Variants in ANXA8 observed in about 807,000 individuals in gnomAD.
The protein encoded by ANXA8 is annexin A8.
A neutral mutation model predicts 26.8 loss-of-function variants in ANXA8; 9 were observed. The ratio of observed to expected loss-of-function variants is 0.34; its 90% CI spans 0.20 to 0.59. The LOEUF (loss-of-function observed/expected upper bound fraction) is 0.59. Among genes scored for constraint, ANXA8 ranks in the 20% least tolerant of loss-of-function variants. ANXA8 has a pLI of 0.84. For synonymous variants in ANXA8, 39 were observed against 94.8 expected, an observed-to-expected ratio of 0.41 and a Z score of 3.42; for missense variants, 83 against 238.5, an observed-to-expected ratio of 0.35 and a Z score of 4.29.
At chr10:47,709,340 T>C in the ANXA8 span, among the ~76,000 whole-genome samples, 1 of 150,220 alleles carries the variant, frequency 6.7e-6, no homozygotes, top group Non-Finnish European at 1.5e-5. Flanking sequence ...AAAAAGTACT[T>C]AAGTGTTTAT....
the ANXA8 span, among the ~76,000 whole-genome samples, chr10:47,978,970 T>C: frequency 3.0e-4 from 45 of 150,594 alleles, no homozygotes; most frequent in African/African-American, 1.1e-3. Context: ...AGTAATAGGA[T>C]GGAAAAAGAT....
At chr10:47,572,301 C>T in the ANXA8 span, among the ~76,000 whole-genome samples, 1 of 145,964 alleles carries the variant, frequency 6.9e-6, no homozygotes. Flanking sequence ...TTCTCATCCC[C>T]TTATATCTCT....
chr10:47,495,939 G>T, the ANXA8 span, among the ~76,000 whole-genome samples: 18 of 151,590 alleles, frequency 1.2e-4, no homozygotes, highest in African/African-American at 3.7e-4. Flanking sequence ...GGAGCAGGTG[G>T]TGCCCGGGGA....
chr10:47,743,251 T>TATATATATACATATATATATATATACAC, the ANXA8 span, among the ~76,000 whole-genome samples: 36 of 121,272 alleles, frequency 3.0e-4, no homozygotes, highest in African/African-American at 1.1e-3. Flanking sequence ...GCTTCATATA[T>TATATATATACATATATATATATATACAC]ATATATATAT....
At chr10:47,683,263 T>C in the ANXA8 span, among the ~76,000 whole-genome samples, 13 of 148,206 alleles carry the variant, frequency 8.8e-5, no homozygotes, top group South Asian at 2.2e-4. Context: ...GAGTCTCGCT[T>C]TGTTGCCCAG....
the ANXA8 span, among the ~76,000 whole-genome samples, chr10:47,974,877 T>C: frequency 2.0e-5 from 3 of 149,666 alleles, no homozygotes; most frequent in Admixed American, 1.3e-4. Context: ...TCTGTGGTTG[T>C]TGGGTGGAGT....
At chr10:47,511,296 CA>C in the ANXA8 span, among the ~76,000 whole-genome samples, 1 of 142,514 alleles carries the variant, frequency 7.0e-6, no homozygotes, top group Non-Finnish European at 1.5e-5. Context: ...AATCCTGCTA[CA>C]AGAGCACTTT....
At chr10:47,691,725 C>G in the ANXA8 span, among the ~76,000 whole-genome samples, 2 of 149,664 alleles carry the variant, frequency 1.3e-5, no homozygotes, top group Admixed American at 1.3e-4. Context: ...GGCCACTGCA[C>G]TCTAGCCCAA....
chr10:47,687,943 A>C, the ANXA8 span, among the ~76,000 whole-genome samples: 6 of 151,726 alleles, frequency 4.0e-5, no homozygotes, highest in Non-Finnish European at 7.4e-5. Context: ...CTACTAAAAA[A>C]ACTAAAATTA....
the ANXA8 span, among the ~76,000 whole-genome samples, chr10:47,702,333 CTTTTCTTTTCTTTTTT>C: frequency 6.7e-6 from 1 of 149,030 alleles, no homozygotes; most frequent in Non-Finnish European, 1.5e-5. Flanking sequence ...TAAACATTTT[CTTTTCTTTTCTTTTTT>C]TTTTTTTTTG....
chr10:47,567,305 G>T, the ANXA8 span, among the ~76,000 whole-genome samples: 1 of 133,512 alleles, frequency 7.5e-6, no homozygotes, highest in African/African-American at 3.0e-5. Context: ...CCCAAACACA[G>T]GTGGCTTTTG....
At chr10:47,657,638 A>AT in the ANXA8 span, among the ~76,000 whole-genome samples, 1 of 150,458 alleles carries the variant, frequency 6.6e-6, no homozygotes, top group East Asian at 1.9e-4. Context: ...TTAATTACCC[A>AT]TTTTTTTCTG....
the ANXA8 span, among the ~76,000 whole-genome samples, chr10:47,497,353 C>T: frequency 1.6e-5 from 2 of 127,102 alleles, no homozygotes; most frequent in African/African-American, 6.1e-5. Context: ...CAATGGCTCA[C>T]ACCTGTAATC....
the ANXA8 span, among the ~76,000 whole-genome samples, chr10:47,557,094 T>C: frequency 7.6e-6 from 1 of 131,716 alleles, no homozygotes; most frequent in African/African-American, 2.9e-5. Flanking sequence ...GCAACCTCTG[T>C]CTCCTGGGTT....
chr10:47,968,784 G>A, the ANXA8 span, among the ~76,000 whole-genome samples: 9 of 150,170 alleles, frequency 6.0e-5, no homozygotes, highest in Non-Finnish European at 1.3e-4. Context: ...CACTGACTCG[G>A]TCAGTCATGA....
upstream of ANXA8, among the ~76,000 whole-genome samples, chr10:47,487,774 GTT>G (rs4013026): frequency 7.4e-6 from 1 of 134,746 alleles, no homozygotes. Context: ...GGTTTATAGT[GTT>G]TTTTTTTTTG....
At chr10:47,958,581 C>T in the ANXA8 span, among the ~76,000 whole-genome samples, 1 of 148,402 alleles carries the variant, frequency 6.7e-6, no homozygotes, top group African/African-American at 2.6e-5. Flanking sequence ...GATGGCTTCG[C>T]CTCCTCCTCT....
the ANXA8 span, among the ~76,000 whole-genome samples, chr10:47,639,126 G>GTTTTT: frequency 6.9e-6 from 1 of 144,666 alleles, no homozygotes; most frequent in Admixed American, 6.7e-5. Flanking sequence ...TTTTGTTTTT[G>GTTTTT]TTTTTTTTCT....
the ANXA8 span, among the ~76,000 whole-genome samples, chr10:47,952,151 A>G: frequency 6.6e-6 from 1 of 151,156 alleles, no homozygotes; most frequent in African/African-American, 2.4e-5. Flanking sequence ...GTCATGAAAA[A>G]CCTACAGGTA....
Sources: gnomAD v4.1 joint callset for allele counts (sites outside exome capture counted in the v4.1 genomes callset) on GRCh38, gnomAD v4.1.1 for gene constraint, MANE v1.5 for transcripts, NCBI Gene and HGNC (gene_info 2026-07-23, HGNC 2026-07-21) for gene names.